Variants in FAM114A1 observed in about 807,000 individuals in gnomAD.
FAM114A1 encodes family with sequence similarity 114 member A1.
FAM114A1 carries 62 observed loss-of-function variants against 64.3 expected under a neutral mutation model. The observed-to-expected ratio is 0.96, with a 90% CI of 0.79 to 1.19. The LOEUF (loss-of-function observed/expected upper bound fraction) is 1.19. Ranked by LOEUF, FAM114A1 falls within the 50% of genes most tolerant of loss-of-function variation. The probability of loss-of-function intolerance (pLI) is 0.00; values close to 1 mark genes in which losing one functional copy is unlikely to be tolerated. For synonymous variants in FAM114A1, 254 were observed against 251.1 expected (o/e 1.01, Z -0.11); for missense variants, 645 against 676.3 (o/e 0.95, Z 0.51).
rs1426647049 is a variant in FAM114A1 at position 38,914,956 on chromosome 4, A to G, written c.828A>G (p.Arg276=). The G allele has an allele frequency of 1.9e-6, 3 of 1,614,128 alleles. No individual in the cohort carries two copies. Among genetic ancestry groups the G allele is most frequent in the East Asian group, 2.2e-5 (1 of 44,868 alleles). ...LREAKEKEKQ[R]LAQQLTMERT... is the part of the protein sequence containing the mutation. ...AAGCTAAGGAGAAGGAGAAGCAGAGACTGGCACAGCAGCTCACGATGGAGA... is the reference window on the plus strand; with the variant it reads ...AAGCTAAGGAGAAGGAGAAGCAGAGGCTGGCACAGCAGCTCACGATGGAGA... Residue 276 remains arginine, a synonymous_variant, in exon 8 of 15, where the codon AGA becomes AGG. Coordinates refer to ENST00000358869, the MANE Select transcript of FAM114A1 (RefSeq NM_138389.4).
rs146573488 is a variant in FAM114A1, at chr4:38,904,173, C to T, written c.437-1349C>T. On this transcript the variant is annotated intron_variant, in intron 4 of 14. Coordinates refer to ENST00000358869, the MANE Select transcript of FAM114A1 (RefSeq NM_138389.4). ...AGGTCACCCAGGTCCCGAGAGAAAT[C>T]TTTCATTTTCTCCGTGAGTGCTCGG... is the stretch of plus-strand genomic sequence containing the variant. 1.1e-3 allele frequency among the ~76,000 whole-genome samples: 165 copies of T among 152,262 alleles called. 1 individual carries two copies. Among genetic ancestry groups the T allele is most frequent in the South Asian group, 7.5e-3 (36 of 4,830 alleles).
chr4:38,875,175 A>G (rs918939472), intron 2 of FAM114A1, among the ~76,000 whole-genome samples: 3 of 143,172 alleles, frequency 2.1e-5, no homozygotes, highest in Non-Finnish European at 3.1e-5. Flanking sequence ...TTGGTTCCAC[A>G]TGAATTTTAG....
At chr4:38,889,656 T>G (rs1716135615) in intron 3 of FAM114A1, among the ~76,000 whole-genome samples, 1 of 152,204 alleles carries the variant, frequency 6.6e-6, no homozygotes, top group Admixed American at 6.5e-5. Flanking sequence ...AGTAACTTGT[T>G]GTCCAAAACA....
At chr4:38,927,512 C>A (rs1720232451) in intron 9 of FAM114A1, among the ~76,000 whole-genome samples, 1 of 152,090 alleles carries the variant, frequency 6.6e-6, no homozygotes, top group Non-Finnish European at 1.5e-5. Context: ...AGCCTCACCT[C>A]CTATTGTCAT....
chr4:38,930,730 AATG>A (rs1205862742), intron 10 of FAM114A1, among the ~76,000 whole-genome samples: 2 of 152,214 alleles, frequency 1.3e-5, no homozygotes, highest in African/African-American at 2.4e-5. Context: ...CTTAAACTAT[AATG>A]ATAAAATTGG....
intron 1 of FAM114A1, chr4:38,868,125 A>G: frequency 3.9e-6 from 1 of 254,390 alleles, no homozygotes. Context: ...GCCCACACTC[A>G]GGGTCTGCCC....
intron 2 of FAM114A1, among the ~76,000 whole-genome samples, chr4:38,868,936 G>A (rs1489337671): frequency 6.6e-6 from 1 of 152,214 alleles, no homozygotes; most frequent in Non-Finnish European, 1.5e-5. Flanking sequence ...GGAATGAGAC[G>A]TTAGGGATGG....
intron 4 of FAM114A1, among the ~76,000 whole-genome samples, chr4:38,903,343 GA>G (rs1269001785): frequency 6.6e-6 from 1 of 152,190 alleles, no homozygotes; most frequent in Non-Finnish European, 1.5e-5. Context: ...CGGAGAAGGT[GA>G]AAGAAGAGAT....
chr4:38,885,036 A>G (rs1715661695), intron 3 of FAM114A1, among the ~76,000 whole-genome samples: 1 of 152,178 alleles, frequency 6.6e-6, no homozygotes, highest in African/African-American at 2.4e-5. Flanking sequence ...GTGCAGTGGC[A>G]TGATCTCGGC....
At chr4:38,921,220 C>G (rs1719559073) in intron 8 of FAM114A1, among the ~76,000 whole-genome samples, 1 of 152,182 alleles carries the variant, frequency 6.6e-6, no homozygotes, top group Non-Finnish European at 1.5e-5. Context: ...GCCCTTTTAC[C>G]ATTTTGGAAA....
chr4:38,878,579 A>G (rs1423251556), intron 3 of FAM114A1, among the ~76,000 whole-genome samples, 153 bp downstream of exon 3: 4 of 152,118 alleles, frequency 2.6e-5, no homozygotes, highest in Non-Finnish European at 5.9e-5. Flanking sequence ...GAGATTAGAC[A>G]TATATAAAAA....
intron 10 of FAM114A1, 36 bp from the exon 11 acceptor site, chr4:38,931,415 G>A (rs16994942): frequency 1.6e-5 from 25 of 1,563,066 alleles, no homozygotes; most frequent in South Asian, 3.7e-5. Flanking sequence ...CCATATTTGC[G>A]CCATAAAAGG....
chr4:38,894,692 G>C (rs1716743007), intron 4 of FAM114A1, among the ~76,000 whole-genome samples: 1 of 152,130 alleles, frequency 6.6e-6, no homozygotes, highest in Admixed American at 6.6e-5. Context: ...TTTTCTTCTA[G>C]GGTGAGTAAA....
At chr4:38,889,997 A>T (rs1716169803) in intron 3 of FAM114A1, among the ~76,000 whole-genome samples, 1 of 152,188 alleles carries the variant, frequency 6.6e-6, no homozygotes, top group East Asian at 1.9e-4. Context: ...GAGAAGGGGA[A>T]AGAGTGGGCA....
At chr4:38,890,534 C>T (rs1716251535) in intron 3 of FAM114A1, among the ~76,000 whole-genome samples, 1 of 152,046 alleles carries the variant, frequency 6.6e-6, no homozygotes, top group South Asian at 2.1e-4. Flanking sequence ...TTCTTTCTGC[C>T]CGCCCTTCCT....
intron 3 of FAM114A1, among the ~76,000 whole-genome samples, chr4:38,886,258 G>T (rs536177110): frequency 2.8e-4 from 42 of 149,148 alleles, no homozygotes; most frequent in African/African-American, 9.9e-4. Flanking sequence ...TGCAACCTCC[G>T]CCTCCTGGGT....
intron 6 of FAM114A1, among the ~76,000 whole-genome samples, chr4:38,908,096 G>A (rs1718192113): frequency 6.6e-6 from 1 of 152,026 alleles, no homozygotes; most frequent in Non-Finnish European, 1.5e-5. Context: ...CAGCCTGAGG[G>A]TCTTACCCTC....
chr4:38,896,269 C>G (rs1350805326), intron 4 of FAM114A1, among the ~76,000 whole-genome samples: 1 of 152,066 alleles, frequency 6.6e-6, no homozygotes, highest in Non-Finnish European at 1.5e-5. Flanking sequence ...ACCTCCTCCC[C>G]CCAAAATGAA....
intron 4 of FAM114A1, among the ~76,000 whole-genome samples, chr4:38,893,507 A>G (rs968999816): frequency 6.6e-6 from 1 of 152,228 alleles, no homozygotes; most frequent in Admixed American, 6.5e-5. Flanking sequence ...AGTTCCTGCC[A>G]CAGTAAACAC....
Sources: gnomAD v4.1 joint callset for allele counts (sites outside exome capture counted in the v4.1 genomes callset) on GRCh38, gnomAD v4.1.1 for gene constraint, MANE v1.5 for transcripts, NCBI Gene and HGNC (gene_info 2026-07-23, HGNC 2026-07-21) for gene names.